GXYLT2: variants seen among roughly 807,000 people sequenced by gnomAD.
GXYLT2 encodes the protein glucoside xylosyltransferase 2, also known as glycosyltransferase 8 domain containing 4.
In GXYLT2, 53 loss-of-function variants were observed where a neutral mutation model predicts 45.8. That is an observed-to-expected ratio of 1.16 (90% CI 0.93 to 1.46). GXYLT2 has a LOEUF of 1.46. GXYLT2 is among the 40% of genes most tolerant of loss of function. The probability of loss-of-function intolerance (pLI) is 0.00; values close to 1 mark genes in which losing one functional copy is unlikely to be tolerated. For missense variants in GXYLT2, 551 were observed against 544.4 expected (o/e 1.01, Z -0.12); for synonymous variants, 219 against 214.2 (o/e 1.02, Z -0.19).
chr3:72,935,758 A>G (rs893139929), intron 3 of GXYLT2, among the ~76,000 whole-genome samples: 1 of 152,230 alleles, frequency 6.6e-6, no homozygotes, highest in Non-Finnish European at 1.5e-5. Flanking sequence ...ATACTCAACC[A>G]AACTACAAAT....
In GXYLT2 at chr3:72,974,974, C is replaced by G; in HGVS notation, c.1150-3C>G. The G allele has an allele frequency of 9.2e-6, 14 of 1,527,406 alleles. No homozygotes were observed. The highest frequency in any genetic ancestry group is 1.2e-5 in the Non-Finnish European group (14 of 1,133,954). 94.6% of individuals were successfully genotyped at this position (1,527,406 alleles called of 1,614,324 possible). A position where few individuals can be genotyped will look rare whatever the true frequency, so the allele number is the denominator to read the frequency against. ...AATAAACTTTTTTTTTGTCATCTTT[C>G]AGTTTCCCTTTCAAGACAATCTCTT... On this transcript the variant is annotated splice_region_variant and splice_polypyrimidine_tract_variant and intron_variant, in intron 6 of 6. Transcript: ENST00000389617.
At chr3:72,936,195 G>A (rs1055660913) in intron 3 of GXYLT2, among the ~76,000 whole-genome samples, 5 of 152,084 alleles carry the variant, frequency 3.3e-5, no homozygotes, top group Admixed American at 6.5e-5. Flanking sequence ...CCGAGGCTGA[G>A]GCAGGAGAAT....
chr3:72,963,832 C>T (rs1374734971), intron 5 of GXYLT2, among the ~76,000 whole-genome samples: 1 of 152,048 alleles, frequency 6.6e-6, no homozygotes. Context: ...GCCACCACGC[C>T]CAGCTAATTT....
chr3:72,974,390 T>A (rs2107163300), intron 6 of GXYLT2, among the ~76,000 whole-genome samples: 1 of 152,338 alleles, frequency 6.6e-6, no homozygotes, highest in South Asian at 2.1e-4. Context: ...TGTTAAACCC[T>A]GAACTTCACG....
At chr3:72,962,954 T>A (rs1559751286) in intron 5 of GXYLT2, among the ~76,000 whole-genome samples, 3 of 103,840 alleles carry the variant, frequency 2.9e-5, no homozygotes, top group African/African-American at 2.7e-5. Flanking sequence ...GATGGGACAT[T>A]AAAAAAAAAA....
intron 1 of GXYLT2, among the ~76,000 whole-genome samples, chr3:72,900,559 C>T (rs958869832): frequency 6.6e-6 from 1 of 152,056 alleles, no homozygotes; most frequent in African/African-American, 2.4e-5. Flanking sequence ...GGATTACAAG[C>T]ACCCGCAACC....
chr3:72,909,006 A>T (rs1709563840), intron 2 of GXYLT2, among the ~76,000 whole-genome samples: 3 of 149,408 alleles, frequency 2.0e-5, no homozygotes, highest in South Asian at 2.1e-4. Context: ...GGTTATAGGC[A>T]TGTGCCACCA....
At chr3:72,891,899 G>C (rs541972930) in intron 1 of GXYLT2, among the ~76,000 whole-genome samples, 120 of 152,114 alleles carry the variant, frequency 7.9e-4, no homozygotes, top group African/African-American at 2.8e-3. Context: ...TTTATCAAGA[G>C]AGATTTTTTT....
intron 2 of GXYLT2, among the ~76,000 whole-genome samples, chr3:72,909,029 G>C (rs564198130): frequency 5.1e-5 from 7 of 136,634 alleles, no homozygotes. Context: ...CCCAGCCCCC[G>C]TTTTTTCCTT....
intron 2 of GXYLT2, among the ~76,000 whole-genome samples, chr3:72,920,820 T>TATATGTA (rs1559734879): frequency 9.4e-4 from 92 of 97,842 alleles, no homozygotes; most frequent in African/African-American, 6.7e-3. Flanking sequence ...ATATATGTAT[T>TATATGTA]TTTTTTTTTT....
intron 5 of GXYLT2, among the ~76,000 whole-genome samples, chr3:72,960,200 C>G (rs938680573): frequency 6.6e-6 from 1 of 152,178 alleles, no homozygotes; most frequent in Non-Finnish European, 1.5e-5. Context: ...GGATTATAGG[C>G]GTGAGCCACC....
intron 3 of GXYLT2, among the ~76,000 whole-genome samples, chr3:72,923,176 AC>A (rs780324542): frequency 2.0e-5 from 3 of 151,716 alleles, no homozygotes; most frequent in Non-Finnish European, 2.9e-5. Context: ...AATCGCTTGA[AC>A]CCAGGAGGCA....
At chr3:72,941,120 C>T (rs1710290126) in intron 3 of GXYLT2, among the ~76,000 whole-genome samples, 1 of 152,128 alleles carries the variant, frequency 6.6e-6, no homozygotes, top group Non-Finnish European at 1.5e-5. Flanking sequence ...AAGGTATAGG[C>T]CTCTTTCTGA....
At chr3:72,956,029 G>T (rs1045727079) in intron 4 of GXYLT2, among the ~76,000 whole-genome samples, 1 of 152,190 alleles carries the variant, frequency 6.6e-6, no homozygotes, top group African/African-American at 2.4e-5. Context: ...AGTGAGCCAA[G>T]ATCACGCCAC....
chr3:72,924,253 G>T (rs1345524678), intron 3 of GXYLT2, among the ~76,000 whole-genome samples: 4 of 150,502 alleles, frequency 2.7e-5, no homozygotes, highest in African/African-American at 9.8e-5. Context: ...GAGTGCAGTG[G>T]TGCAGTCATG....
chr3:72,951,097 A>G (rs1236132761), intron 3 of GXYLT2, among the ~76,000 whole-genome samples: 1 of 152,184 alleles, frequency 6.6e-6, no homozygotes, highest in African/African-American at 2.4e-5. Flanking sequence ...CCCACATCCC[A>G]TTATAACATG....
Position 72,915,366 on chromosome 3 carries a change from G to C in GXYLT2, c.468+6807G>C, listed in dbSNP as rs375193630. 1.4e-4 allele frequency among the ~76,000 whole-genome samples: 18 copies of C among 130,138 alleles called. 1 individual carries two copies. Among genetic ancestry groups the C allele is most frequent in the African/African-American group, 1.5e-4 (5 of 34,370 alleles). The allele number at this position is 130,138 out of a possible 152,430, so 85.4% of individuals were successfully genotyped here. The stretch of plus-strand genomic sequence containing the variant: ...TTTTTTTTTTTTTTGCGGGGGGGGG[G>C]GGGATTTAGGAAAAATAGCCCATAG... On this transcript the variant is annotated intron_variant, in intron 2 of 6. Coordinates refer to ENST00000389617, the MANE Select transcript of GXYLT2 (RefSeq NM_001080393.2).
intron 3 of GXYLT2, chr3:72,929,389 T>C: frequency 9.3e-7 from 1 of 1,078,148 alleles, no homozygotes; most frequent in Non-Finnish European, 1.4e-6. Flanking sequence ...AGTCAGTCAC[T>C]ACTGGAACTG....
At chr3:72,924,581 G>A (rs7640661) in intron 3 of GXYLT2, among the ~76,000 whole-genome samples, 45,884 of 151,906 alleles carry the variant, frequency 0.3, 11,172 homozygotes, top group African/African-American at 0.67. Flanking sequence ...TTGTGTTTTA[G>A]AGAAGACACT....
Sources: gnomAD v4.1 joint callset for allele counts (sites outside exome capture counted in the v4.1 genomes callset) on GRCh38, gnomAD v4.1.1 for gene constraint, MANE v1.5 for transcripts, NCBI Gene and HGNC (gene_info 2026-07-23, HGNC 2026-07-21) for gene names.